SLC11A2: variants seen among roughly 807,000 people sequenced by gnomAD.
SLC11A2 encodes the protein natural resistance-associated macrophage protein 2.
In SLC11A2, 38 loss-of-function variants were observed where a neutral mutation model predicts 68.0. That is an observed-to-expected ratio of 0.56 (90% CI 0.43 to 0.73). The LOEUF (loss-of-function observed/expected upper bound fraction) is 0.73, where lower values mean the gene tolerates loss of function less well. Among genes scored for constraint, SLC11A2 ranks in the 30% least tolerant of loss-of-function variants. SLC11A2 has a pLI of 0.00. For synonymous variants in SLC11A2, 242 were observed against 250.6 expected, an observed-to-expected ratio of 0.97 and a Z score of 0.32; for missense variants, 517 against 690.5, an observed-to-expected ratio of 0.75 and a Z score of 2.82.
chr12:50,973,437 G>A, the SLC11A2 span, among the ~76,000 whole-genome samples: 11 of 152,166 alleles, frequency 7.2e-5, no homozygotes, highest in African/African-American at 2.4e-4. Flanking sequence ...GGTCCTGACT[G>A]TTAGAAGGAA....
chr12:51,008,873 C>G (rs1050410816), intron 2 of SLC11A2, among the ~76,000 whole-genome samples: 4 of 151,996 alleles, frequency 2.6e-5, no homozygotes, highest in African/African-American at 9.7e-5. Flanking sequence ...CCTCCCCCTC[C>G]CCCAGTCACT....
Position 50,999,213 on chromosome 12 carries a change from G to A in SLC11A2, c.636C>T (p.Gly212=). The A allele has an allele frequency of 6.2e-7, 1 of 1,613,900 alleles. No homozygotes were observed. ...TGAGGGCCATAATAGTGATGAGAAA[G>A]CCAAAAAATGCTTCTAGCTTCCGCA... The part of the protein sequence containing the change: ...YGLRKLEAFF[G]FLITIMALTF... Residue 212 remains glycine (G), a synonymous_variant, in exon 8 of 16, where the codon GGC becomes GGT. Coordinates refer to ENST00000262052, the MANE Select transcript of SLC11A2 (RefSeq NM_000617.3).
At chr12:51,014,967 C>G (rs1477247105) in intron 1 of SLC11A2, among the ~76,000 whole-genome samples, 2 of 151,802 alleles carry the variant, frequency 1.3e-5, no homozygotes, top group African/African-American at 4.8e-5. Context: ...TCGAGACCAG[C>G]CTGGCCAACA....
the SLC11A2 span, chr12:50,961,108 C>T: frequency 6.2e-7 from 1 of 1,613,342 alleles, no homozygotes; most frequent in Non-Finnish European, 8.5e-7. Context: ...TCTAGGTAAC[C>T]CGCTTAATTT....
At position 50,991,344 on chromosome 12, in the gene SLC11A2, C is replaced by T; in HGVS notation, c.1421+255G>A. The stretch of plus-strand genomic sequence containing the variant: ...CATTTAACAAAGAATTAAGGTGCCT[C>T]AAACTTCAGTGGCTGAAGCTGAAGA... On this transcript the variant is annotated intron_variant, in intron 14 of 15. Transcript: ENST00000262052. 8.9e-6 allele frequency: 5 copies of T among 562,794 alleles called. No homozygotes were observed. In the South Asian group the frequency reaches 1.0e-4, roughly 12 times the overall value. The allele number at this position is 562,794 out of a possible 1,614,324, so 34.9% of individuals were successfully genotyped here.
At chr12:50,992,064 C>A in intron 13 of SLC11A2, 126 bp downstream of exon 13, 1 of 963,140 alleles carries the variant, frequency 1.0e-6, no homozygotes, top group Non-Finnish European at 1.6e-6. Context: ...ACATTTACTG[C>A]AGACCACAAC....
rs1566050976 is a variant in SLC11A2 at position 51,026,384 on chromosome 12, T to C, written c.-113A>G. 1.6e-6 allele frequency: 2 copies of C among 1,274,286 alleles called. No individual in the cohort carries two copies. The highest frequency in any genetic ancestry group is 3.3e-4 in the Middle Eastern group (1 of 3,032). 78.9% of individuals were successfully genotyped at this position (1,274,286 alleles called of 1,614,324 possible). ...CATATTCCGGGAGCCAGCGCCACGC[T>C]GGCTAACGCCCTCCCCTCCCCGCGA... On this transcript the variant is annotated 5_prime_UTR_variant, in exon 1 of 16. Transcript: ENST00000262052.
Position 51,008,636 on chromosome 12 carries a change from G to A in SLC11A2, c.35-12C>T, listed in dbSNP as rs1187440635. Reference sequence around the variant, plus strand: ...TCCAGAAACACTGTCTGAATTAACAGATTTGAAAATAAATTAGTAAAAAAT... The same window carrying A: ...TCCAGAAACACTGTCTGAATTAACAAATTTGAAAATAAATTAGTAAAAAAT... On this transcript the variant is annotated splice_polypyrimidine_tract_variant and intron_variant, in intron 2 of 15. Coordinates refer to ENST00000262052, the MANE Select transcript of SLC11A2 (RefSeq NM_000617.3). 2 of 1,605,986 alleles carry A rather than the reference G, an allele frequency of 1.2e-6. No individual in the cohort carries two copies. Among genetic ancestry groups the A allele is most frequent in the African/African-American group, 1.3e-5 (1 of 74,694 alleles).
At chr12:50,990,125 C>T (rs1940999220) in intron 15 of SLC11A2, among the ~76,000 whole-genome samples, 1 of 152,082 alleles carries the variant, frequency 6.6e-6, no homozygotes, top group Admixed American at 6.6e-5. Flanking sequence ...ATAAATTTTA[C>T]ATACCTTTTT....
the SLC11A2 span, among the ~76,000 whole-genome samples, chr12:50,973,533 A>AT: frequency 2.0e-5 from 3 of 152,112 alleles, no homozygotes; most frequent in Non-Finnish European, 4.4e-5. Context: ...AACCACAAAG[A>AT]GGGGAAAAAA....
chr12:50,955,643 A>G, the SLC11A2 span, among the ~76,000 whole-genome samples: 14,721 of 152,260 alleles, frequency 0.097, 1,082 homozygotes, highest in African/African-American at 0.2. Flanking sequence ...CATTATTCAC[A>G]TATCAAGAAA....
chr12:51,028,303 A>C, upstream of SLC11A2: 3 of 1,161,270 alleles, frequency 2.6e-6, no homozygotes, highest in Non-Finnish European at 3.7e-6. Context: ...CCTCAGTTAG[A>C]TAAAGGGCAC....
At chr12:51,021,851 C>A (rs1592456081) in intron 1 of SLC11A2, among the ~76,000 whole-genome samples, 1 of 152,248 alleles carries the variant, frequency 6.6e-6, no homozygotes, top group Non-Finnish European at 1.5e-5. Context: ...ATGAAACCAG[C>A]TGCCTGGGTG....
chr12:50,963,940 A>C, the SLC11A2 span, among the ~76,000 whole-genome samples: 2 of 152,206 alleles, frequency 1.3e-5, no homozygotes, highest in Non-Finnish European at 2.9e-5. Context: ...TGTCAAAATC[A>C]GCCACCCCTT....
intron 1 of SLC11A2, chr12:51,026,031 C>T (rs983641448): frequency 1.6e-5 from 17 of 1,095,144 alleles, no homozygotes; most frequent in Middle Eastern, 4.2e-4. Context: ...GGCCATGTGT[C>T]CTAGGCCGCG....
Position 50,990,685 on chromosome 12 carries a change from T to G in SLC11A2, c.1575+110A>C, listed in dbSNP as rs113644360. The G allele has an allele frequency of 1.1e-3, 1,220 of 1,112,400 alleles. 11 individuals carry two copies. In the African/African-American group the frequency reaches 0.017, roughly 15 times the overall value. The allele number at this position is 1,112,400 out of a possible 1,614,324, so 68.9% of individuals were successfully genotyped here. On this transcript the variant is annotated intron_variant, in intron 15 of 15. Coordinates refer to ENST00000262052, the MANE Select transcript of SLC11A2 (RefSeq NM_000617.3). ...TCAGCCTCCCAAAGTACTGGGATTA[T>G]AGGCATGAGCCACTGTGCCCAGCCT...
downstream of SLC11A2, among the ~76,000 whole-genome samples, chr12:50,977,226 C>A (rs145648276): frequency 0.15 from 22,197 of 152,182 alleles, 1,865 homozygotes; most frequent in South Asian, 0.26. Flanking sequence ...GGAAGCATCA[C>A]GCTACCTGAC....
chr12:50,959,535 G>T, the SLC11A2 span, among the ~76,000 whole-genome samples: 2 of 151,982 alleles, frequency 1.3e-5, no homozygotes, highest in Non-Finnish European at 2.9e-5. Flanking sequence ...TTTTTTCAGG[G>T]TCTAGTGTGA....
Position 50,987,098 on chromosome 12 carries a change from AAGC to A in SLC11A2, c.*1224_*1226del. 6 of 1,286,184 alleles carry A rather than the reference AAGC, an allele frequency of 4.7e-6. No homozygotes were observed. The highest frequency in any genetic ancestry group is 5.1e-6 in the Non-Finnish European group (5 of 988,278). The allele number at this position is 1,286,184 out of a possible 1,614,324, so 79.7% of individuals were successfully genotyped here. ...AAAATGTCAGAAGTGGCTGAAGTAA[AAGC>A]AGCAGCTTTGTGCTGAAGACACCCA... On this transcript the variant is annotated 3_prime_UTR_variant, in exon 16 of 16. Coordinates refer to ENST00000262052, the MANE Select transcript of SLC11A2 (RefSeq NM_000617.3).
Sources: gnomAD v4.1 joint callset for allele counts (sites outside exome capture counted in the v4.1 genomes callset) on GRCh38, gnomAD v4.1.1 for gene constraint, MANE v1.5 for transcripts, NCBI Gene and HGNC (gene_info 2026-07-23, HGNC 2026-07-21) for gene names.